Variants in BTRC observed in about 807,000 individuals in gnomAD.
The protein encoded by BTRC is F-box/WD repeat-containing protein 1A.
Under a neutral mutation model 85.5 loss-of-function variants are expected in BTRC, and 42 were observed. That is an observed-to-expected ratio of 0.49 (90% CI 0.38 to 0.64). The LOEUF (loss-of-function observed/expected upper bound fraction) is 0.64, where lower values mean the gene tolerates loss of function less well. BTRC is among the 30% of genes least tolerant of loss of function. The probability of loss-of-function intolerance (pLI) is 0.00; values close to 1 mark genes in which losing one functional copy is unlikely to be tolerated. For synonymous variants in BTRC, 255 were observed against 263.3 expected (o/e 0.97, Z 0.30); for missense variants, 594 against 743.5 (o/e 0.80, Z 2.34).
At chr10:101,355,551 C>G (rs545111517) in intron 1 of BTRC, among the ~76,000 whole-genome samples, 6 of 152,270 alleles carry the variant, frequency 3.9e-5, no homozygotes, top group African/African-American at 1.4e-4. Flanking sequence ...TTAAGCTTAA[C>G]AGGTGGCCTT....
rs752026690 is a variant in BTRC at position 101,532,802 on chromosome 10, G to GCGCA, written c.979-147_979-146insACGC. ...TGTGTGTGTGTGTGCGCGTGTGCGC[G>GCGCA]CGCGCGCGCTTAGCTATACCTATAG... is the stretch of plus-strand genomic sequence containing the variant. On this transcript the variant is annotated intron_variant, in intron 8 of 14. Coordinates refer to ENST00000370187, the MANE Select transcript of BTRC (RefSeq NM_033637.4). The GCGCA allele has an allele frequency of 4.2e-4, 273 of 649,464 alleles. 5 individuals are homozygous for GCGCA. The highest frequency in any genetic ancestry group is 2.4e-3 in the African/African-American group (130 of 53,950). The allele number at this position is 649,464 out of a possible 1,614,324, so 40.2% of individuals were successfully genotyped here.
At chr10:101,433,006 C>T (rs1944440556) in intron 2 of BTRC, among the ~76,000 whole-genome samples, 1 of 152,068 alleles carries the variant, frequency 6.6e-6, no homozygotes, top group East Asian at 1.9e-4. Context: ...GGTTTAGTGC[C>T]CCCAACATGA....
intron 2 of BTRC, among the ~76,000 whole-genome samples, chr10:101,440,354 A>AC (rs147866010): frequency 0.1 from 15,732 of 152,108 alleles, 2,705 homozygotes; most frequent in African/African-American, 0.36. Flanking sequence ...CATTGAATTT[A>AC]CAAGTAAAGT....
intron 2 of BTRC, among the ~76,000 whole-genome samples, chr10:101,439,288 A>G (rs1159764315): frequency 6.6e-6 from 1 of 152,180 alleles, no homozygotes; most frequent in African/African-American, 2.4e-5. Context: ...TTTAGCTAAG[A>G]ACCACAAGGT....
intron 1 of BTRC, among the ~76,000 whole-genome samples, chr10:101,398,426 C>T (rs1032127327): frequency 2.0e-5 from 3 of 151,976 alleles, no homozygotes; most frequent in Non-Finnish European, 4.4e-5. Flanking sequence ...CCTCAGCCTC[C>T]CGAGTAGCTG....
chr10:101,504,644 C>T lies in BTRC; in HGVS notation c.325-16995C>T, dbSNP rs1314742401. On this transcript the variant is annotated intron_variant, in intron 4 of 14. Coordinates refer to ENST00000370187, the MANE Select transcript of BTRC (RefSeq NM_033637.4). ...CTAGCCCTAGCCCTTCCTCTCCTTG[C>T]GTTCCTCCTTCTGCTTTCCCATTTT... Among the ~76,000 whole-genome samples the T allele has an allele frequency of 2.6e-5, 4 of 151,898 alleles. No individual in the cohort carries two copies. In the South Asian group the frequency reaches 8.3e-4, roughly 32 times the overall value.
chr10:101,498,691 T>C (rs559159114), intron 4 of BTRC, among the ~76,000 whole-genome samples: 120 of 152,044 alleles, frequency 7.9e-4, no homozygotes, highest in Non-Finnish European at 1.3e-3. Context: ...TTCTTGGTGC[T>C]AGAAAATAAT....
intron 1 of BTRC, chr10:101,414,594 C>T (rs1297758675): frequency 2.0e-6 from 1 of 508,762 alleles, no homozygotes; most frequent in Non-Finnish European, 3.9e-6. Flanking sequence ...AGGAGGTATT[C>T]CAGAAAAAGG....
chr10:101,380,790 A>G (rs1942909218), intron 1 of BTRC, among the ~76,000 whole-genome samples: 1 of 152,192 alleles, frequency 6.6e-6, no homozygotes, highest in African/African-American at 2.4e-5. Flanking sequence ...TTGCTTAACA[A>G]TATGTGATAC....
At chr10:101,404,022 A>AT (rs1943554315) in intron 1 of BTRC, among the ~76,000 whole-genome samples, 20 of 24,838 alleles carry the variant, frequency 8.1e-4, no homozygotes, top group African/African-American at 1.3e-3. Flanking sequence ...ATATATATAT[A>AT]TATATATATT....
At chr10:101,406,104 C>G (rs529165557) in intron 1 of BTRC, among the ~76,000 whole-genome samples, 4 of 151,248 alleles carry the variant, frequency 2.6e-5, no homozygotes, top group African/African-American at 9.7e-5. Flanking sequence ...AGTAGTGGTA[C>G]ATATACTTTT....
intron 5 of BTRC, among the ~76,000 whole-genome samples, chr10:101,524,357 A>T (rs1237295079): frequency 6.6e-6 from 1 of 152,144 alleles, no homozygotes; most frequent in Non-Finnish European, 1.5e-5. Context: ...TCAAGCTTAT[A>T]CCACTAAGAA....
intron 2 of BTRC, among the ~76,000 whole-genome samples, chr10:101,434,159 G>A (rs1160585911): frequency 1.3e-5 from 2 of 152,162 alleles, no homozygotes; most frequent in Non-Finnish European, 2.9e-5. Context: ...ATCTATTGTG[G>A]TTTGTTATTT....
In BTRC at chr10:101,526,179, C is replaced by G; in HGVS notation, c.723C>G (p.Gly241=). ...RMVRTDSLWR[G]LAERRGWGQY... is the part of the protein sequence containing the mutation. ...TCAGGACAGATTCTCTGTGGAGAGG[C>G]CTGGCAGAACGAAGAGGATGGTGAG... Residue 241 remains glycine, a synonymous_variant, in exon 6 of 15, where the codon GGC becomes GGG. Coordinates refer to ENST00000370187, the MANE Select transcript of BTRC (RefSeq NM_033637.4). The G allele has an allele frequency of 6.2e-7, 1 of 1,613,914 alleles. No individual in the cohort carries two copies. Among genetic ancestry groups the G allele is most frequent in the Non-Finnish European group, 8.5e-7 (1 of 1,179,896 alleles).
At chr10:101,512,380 CAT>C (rs2061968465) in intron 4 of BTRC, among the ~76,000 whole-genome samples, 1 of 152,186 alleles carries the variant, frequency 6.6e-6, no homozygotes, top group South Asian at 2.1e-4. Flanking sequence ...TCTTTCTTGT[CAT>C]AAATACTTTG....
chr10:101,477,656 C>CT, intron 3 of BTRC, among the ~76,000 whole-genome samples: 1 of 151,836 alleles, frequency 6.6e-6, no homozygotes, highest in Non-Finnish European at 1.5e-5. Context: ...TTTTTTCTTT[C>CT]TTTTTTATTT....
chr10:101,497,427 A>C (rs1048322011), intron 4 of BTRC, among the ~76,000 whole-genome samples: 1 of 152,192 alleles, frequency 6.6e-6, no homozygotes, highest in Non-Finnish European at 1.5e-5. Context: ...AAAGCTGGGC[A>C]TGGTAGTTTA....
chr10:101,433,125 A>T (rs745860042), intron 2 of BTRC, among the ~76,000 whole-genome samples: 1 of 152,196 alleles, frequency 6.6e-6, no homozygotes, highest in Non-Finnish European at 1.5e-5. Context: ...AGGAAAGGCC[A>T]TTCCTTTCTT....
intron 1 of BTRC, among the ~76,000 whole-genome samples, chr10:101,362,623 G>A (rs916610761): frequency 1.3e-5 from 2 of 149,584 alleles, no homozygotes; most frequent in East Asian, 2.0e-4. Flanking sequence ...TTGAACTCCC[G>A]ACCTTAGGTG....
Sources: gnomAD v4.1 joint callset for allele counts (sites outside exome capture counted in the v4.1 genomes callset) on GRCh38, gnomAD v4.1.1 for gene constraint, MANE v1.5 for transcripts, NCBI Gene and HGNC (gene_info 2026-07-23, HGNC 2026-07-21) for gene names.